PHLPP1: variants seen among roughly 807,000 people sequenced by gnomAD.
PHLPP1 encodes the protein PH domain leucine-rich repeat-containing protein phosphatase 1.
Under a neutral mutation model 117.2 loss-of-function variants are expected in PHLPP1, and 42 were observed. The observed-to-expected ratio is 0.36, with a 90% CI of 0.28 to 0.46. PHLPP1 has a LOEUF of 0.46. Ranked by LOEUF, PHLPP1 falls within the 20% of genes least tolerant of loss-of-function variation. PHLPP1 has a pLI of 1.00. For missense variants in PHLPP1, 2,084 were observed against 2,241.9 expected (o/e 0.93, Z 1.42); for synonymous variants, 1,042 against 970.7 (o/e 1.07, Z -1.37).
At chr18:62,766,708 T>C in intron 1 of PHLPP1, among the ~76,000 whole-genome samples, 1 of 152,268 alleles carries the variant, frequency 6.6e-6, no homozygotes, top group African/African-American at 2.4e-5. Flanking sequence ...CAGCTGTATA[T>C]TATATATCAG....
chr18:62,966,518 T>G (rs1319948336), intron 14 of PHLPP1, among the ~76,000 whole-genome samples: 1 of 145,114 alleles, frequency 6.9e-6, no homozygotes, highest in Non-Finnish European at 1.5e-5. Flanking sequence ...TTGCCCAGGC[T>G]GGAGTACAGT....
intron 1 of PHLPP1, among the ~76,000 whole-genome samples, chr18:62,761,948 A>G (rs1389368501): frequency 6.6e-6 from 1 of 152,078 alleles, no homozygotes; most frequent in Non-Finnish European, 1.5e-5. Flanking sequence ...AAATACTGGG[A>G]AAAATGTCCT....
At chr18:62,919,592 C>G (rs1208394628) in intron 9 of PHLPP1, among the ~76,000 whole-genome samples, 1 of 152,184 alleles carries the variant, frequency 6.6e-6, no homozygotes, top group Non-Finnish European at 1.5e-5. Context: ...TACTCAGAAT[C>G]TCTTATGGGT....
At chr18:62,785,902 A>T (rs1913269605) in intron 1 of PHLPP1, among the ~76,000 whole-genome samples, 1 of 152,236 alleles carries the variant, frequency 6.6e-6, no homozygotes, top group Non-Finnish European at 1.5e-5. Flanking sequence ...GACCTGCAAC[A>T]AGTGCTTAAT....
intron 6 of PHLPP1, among the ~76,000 whole-genome samples, chr18:62,899,803 G>A (rs565822200): frequency 6.6e-6 from 1 of 152,214 alleles, no homozygotes; most frequent in South Asian, 2.1e-4. Context: ...CTGTGTAGCT[G>A]GGATGAAAAG....
At chr18:62,959,992 A>C (rs1191533579) in intron 13 of PHLPP1, among the ~76,000 whole-genome samples, 2 of 152,202 alleles carry the variant, frequency 1.3e-5, no homozygotes, top group African/African-American at 4.8e-5. Flanking sequence ...GATGAGAAAA[A>C]AAATGGCCTA....
intron 10 of PHLPP1, among the ~76,000 whole-genome samples, chr18:62,930,192 A>T (rs1361942026): frequency 2.0e-5 from 3 of 152,212 alleles, no homozygotes; most frequent in African/African-American, 7.2e-5. Context: ...TACCAGAAAA[A>T]TTAATGTGTT....
chr18:62,726,750 A>T (rs1431085193), intron 1 of PHLPP1, among the ~76,000 whole-genome samples: 11 of 150,760 alleles, frequency 7.3e-5, no homozygotes, highest in Admixed American at 6.6e-5. Context: ...CGCTCAGCTA[A>T]CTTTTGTATT....
chr18:62,851,748 T>C (rs760015956), intron 3 of PHLPP1, among the ~76,000 whole-genome samples: 15 of 152,068 alleles, frequency 9.9e-5, no homozygotes, highest in Non-Finnish European at 1.6e-4. Flanking sequence ...CGTGAGCCAC[T>C]GTGCCCAGCC....
At chr18:62,738,136 A>T (rs1911421233) in intron 1 of PHLPP1, among the ~76,000 whole-genome samples, 1 of 152,022 alleles carries the variant, frequency 6.6e-6, no homozygotes, top group Non-Finnish European at 1.5e-5. Context: ...TTCAGGAAAA[A>T]AAAAACAGTA....
intron 3 of PHLPP1, among the ~76,000 whole-genome samples, chr18:62,858,902 A>G (rs1045685679): frequency 6.6e-6 from 1 of 152,218 alleles, no homozygotes; most frequent in Non-Finnish European, 1.5e-5. Flanking sequence ...TGTGCCAGGC[A>G]TGTAGAAGTA....
intron 1 of PHLPP1, among the ~76,000 whole-genome samples, chr18:62,770,904 G>T (rs577773702): frequency 6.6e-6 from 1 of 152,150 alleles, no homozygotes; most frequent in East Asian, 1.9e-4. Context: ...AACAAAGATG[G>T]TATATACATT....
At position 62,823,821 on chromosome 18, in the gene PHLPP1, C is replaced by T. The variant is rs141118222; in HGVS notation, c.1577-6214C>T. Among the ~76,000 whole-genome samples the T allele has an allele frequency of 4.1e-3, 617 of 152,058 alleles. 5 individuals carry two copies. Among genetic ancestry groups the T allele is most frequent in the South Asian group, 0.031 (150 of 4,824 alleles). ...CCATAAGGAGATACCACTACATATG[C>T]ACTAGAATGGCTAAAAGTGTTGACT... On this transcript the variant is annotated intron_variant, in intron 1 of 16. Coordinates refer to ENST00000262719, the MANE Select transcript of PHLPP1 (RefSeq NM_194449.4).
rs1195998874 is a variant in PHLPP1 at position 62,978,962 on chromosome 18, G to GGGTGGA, written c.4698_4703dup (p.Glu1566_Val1567dup). 6 of 1,610,786 alleles carry GGGTGGA rather than the reference G, an allele frequency of 3.7e-6. 1 individual carries two copies. The highest frequency in any genetic ancestry group is 2.2e-5 in the South Asian group (2 of 90,484). Reference sequence around the variant, plus strand: ...GAGGGCGTCTTCACCAACGGCAGCCGGGTGGAGGTGGAGGTGGACATCCAC... The same window carrying GGGTGGA: ...GAGGGCGTCTTCACCAACGGCAGCCGGGTGGAGGTGGAGGTGGAGGTGGACATCCAC... On this transcript the variant is annotated inframe_insertion, in exon 17 of 17. Transcript: ENST00000262719. The surrounding 1 kb of genome is among the most constrained non-coding windows in gnomAD (Gnocchi z 7.0).
Position 62,795,851 on chromosome 18 carries a change from G to T in PHLPP1, c.1577-34184G>T, listed in dbSNP as rs1913616410. ...CTGGATTATTGCATAGTTACGTGCT[G>T]TGCAAGTTTCTTGCTAGTTTGCTGC... On this transcript the variant is annotated intron_variant, in intron 1 of 16. Transcript: ENST00000262719. 3.3e-5 allele frequency among the ~76,000 whole-genome samples: 5 copies of T among 152,104 alleles called. No individual in the cohort carries two copies. In the South Asian group the frequency reaches 1.0e-3, roughly 32 times the overall value.
At chr18:62,728,006 G>T (rs1911125787) in intron 1 of PHLPP1, among the ~76,000 whole-genome samples, 1 of 152,032 alleles carries the variant, frequency 6.6e-6, no homozygotes, top group Non-Finnish European at 1.5e-5. Flanking sequence ...AATTTTTTAG[G>T]CCAGGTGCGG....
At chr18:62,783,643 C>T (rs946920191) in intron 1 of PHLPP1, among the ~76,000 whole-genome samples, 9 of 152,006 alleles carry the variant, frequency 5.9e-5, no homozygotes, top group African/African-American at 1.9e-4. Context: ...TAAGGGGACA[C>T]CTGAAGCCTT....
intron 16 of PHLPP1, among the ~76,000 whole-genome samples, chr18:62,976,825 A>G (rs188439260): frequency 6.6e-6 from 1 of 152,314 alleles, no homozygotes; most frequent in East Asian, 1.9e-4. Flanking sequence ...CAACAATGTA[A>G]GACTGGAAAC....
chr18:62,978,346 G>A lies in PHLPP1; in HGVS notation c.4069G>A (p.Val1357Met), dbSNP rs1023300017. 6 of 1,612,680 alleles carry A rather than the reference G, an allele frequency of 3.7e-6. No homozygotes were observed. Among genetic ancestry groups the A allele is most frequent in the East Asian group, 2.2e-5 (1 of 44,860 alleles). Residue 1357 changes from valine (V) to methionine (M), a missense_variant, in exon 17 of 17, where the codon GTG becomes ATG. By Grantham distance (21) the Val-to-Met change is conservative. This residue lies in a region of PHLPP1 where 1,365 missense variants were observed against 1,605.9 expected (regional missense o/e 0.85). Coordinates refer to ENST00000262719, the MANE Select transcript of PHLPP1 (RefSeq NM_194449.4). This position sits in a 1 kb window ranked among gnomAD's most constrained non-coding sequence, Gnocchi z 7.0. ...TCCCAGTGTGGTGCCTCGCCCCCACGTGCAGTCCGTGCTCCTGACTCCCCA... is the reference window on the plus strand; with the variant it reads ...TCCCAGTGTGGTGCCTCGCCCCCACATGCAGTCCGTGCTCCTGACTCCCCA... ...LHPSVVPRPHVQSVLLTPQDE... is the reference protein window; with the variant it reads ...LHPSVVPRPHMQSVLLTPQDE...
Sources: allele counts gnomAD v4.1 joint callset (sites outside exome capture counted in the v4.1 genomes callset), GRCh38; gene constraint gnomAD v4.1.1; regional missense constraint gnomAD v4.1.1; non-coding constraint Gnocchi (gnomAD v3.1); transcripts MANE v1.5; gene names NCBI Gene and HGNC (gene_info 2026-07-23, HGNC 2026-07-21).